Variants in NCKAP5 observed in about 807,000 individuals in gnomAD.
The protein encoded by NCKAP5 is NCK associated protein 5.
A neutral mutation model predicts 167.0 loss-of-function variants in NCKAP5; 92 were observed. The observed-to-expected ratio is 0.55, with a 90% CI of 0.47 to 0.66. NCKAP5 has a LOEUF of 0.66. Among genes scored for constraint, NCKAP5 ranks in the 30% least tolerant of loss-of-function variants. NCKAP5 has a pLI of 0.00. For missense variants in NCKAP5, 2,378 were observed against 2,315.0 expected (o/e 1.03, Z -0.56); for synonymous variants, 891 against 877.4 (o/e 1.02, Z -0.27).
At chr2:133,357,520 A>T (rs1265298267) in intron 3 of NCKAP5, among the ~76,000 whole-genome samples, 1 of 152,204 alleles carries the variant, frequency 6.6e-6, no homozygotes, top group East Asian at 1.9e-4. Context: ...TGTTAACAGG[A>T]CACAGCTAAG....
intron 8 of NCKAP5, among the ~76,000 whole-genome samples, chr2:132,948,165 C>A (rs1268962235): frequency 1.3e-5 from 2 of 152,122 alleles, no homozygotes; most frequent in African/African-American, 4.8e-5. Flanking sequence ...GATCCCACTT[C>A]ATTTACTATT....
intron 3 of NCKAP5, among the ~76,000 whole-genome samples, chr2:133,428,629 A>G (rs1054739435): frequency 7.9e-5 from 12 of 152,176 alleles, no homozygotes; most frequent in African/African-American, 2.4e-4. Flanking sequence ...CATAATTTAC[A>G]TAACTCATCA....
chr2:133,471,195 C>T (rs868757931), intron 3 of NCKAP5, among the ~76,000 whole-genome samples: 14 of 152,304 alleles, frequency 9.2e-5, no homozygotes, highest in African/African-American at 3.4e-4. Flanking sequence ...TCTCAGGTGG[C>T]ATGCACCATC....
At chr2:132,843,113 T>A (rs1688411806) in intron 11 of NCKAP5, among the ~76,000 whole-genome samples, 1 of 152,206 alleles carries the variant, frequency 6.6e-6, no homozygotes, top group Admixed American at 6.5e-5. Context: ...CCTATGGAGC[T>A]AAGGCATAAT....
intron 7 of NCKAP5, among the ~76,000 whole-genome samples, chr2:132,982,487 C>A (rs948457798): frequency 6.6e-6 from 1 of 152,178 alleles, no homozygotes; most frequent in Admixed American, 6.5e-5. Flanking sequence ...ACTGCTGGGA[C>A]TTCATAGCAG....
At chr2:132,982,888 TACA>T (rs2077183697) in intron 7 of NCKAP5, among the ~76,000 whole-genome samples, 1 of 152,186 alleles carries the variant, frequency 6.6e-6, no homozygotes, top group South Asian at 2.1e-4. Flanking sequence ...GGTGTATATA[TACA>T]ACATTTTCTT....
intron 2 of NCKAP5, among the ~76,000 whole-genome samples, chr2:133,530,665 C>A (rs543429155): frequency 1.3e-5 from 2 of 152,240 alleles, no homozygotes; most frequent in African/African-American, 4.8e-5. Flanking sequence ...GGATGGTGCT[C>A]ATTTCTCCAC....
chr2:133,547,874 T>A (rs377236804), intron 2 of NCKAP5, among the ~76,000 whole-genome samples: 12,086 of 147,526 alleles, frequency 0.082, 710 homozygotes, highest in African/African-American at 0.19. Context: ...CAAAGCTGGA[T>A]GGAGAATGAC....
chr2:133,446,436 C>T (rs1232090547), intron 3 of NCKAP5, among the ~76,000 whole-genome samples: 1 of 152,184 alleles, frequency 6.6e-6, no homozygotes, highest in Non-Finnish European at 1.5e-5. Context: ...CGTGTAATAA[C>T]TCATTTAATT....
At chr2:133,214,762 C>G (rs907078775) in intron 4 of NCKAP5, among the ~76,000 whole-genome samples, 2 of 152,152 alleles carry the variant, frequency 1.3e-5, no homozygotes, top group African/African-American at 4.8e-5. Flanking sequence ...TACTATACTA[C>G]TATCAAGATG....
chr2:133,442,681 T>C (rs866060905), intron 3 of NCKAP5, among the ~76,000 whole-genome samples: 2 of 152,308 alleles, frequency 1.3e-5, no homozygotes, highest in Non-Finnish European at 1.5e-5. Flanking sequence ...TAGCAGAGTG[T>C]GGGCTGCCAA....
intron 3 of NCKAP5, among the ~76,000 whole-genome samples, chr2:133,385,126 G>C (rs554948270): frequency 3.0e-4 from 45 of 152,262 alleles, no homozygotes; most frequent in African/African-American, 1.0e-3. Flanking sequence ...TCTTGTGCCA[G>C]TTTTCAAAGG....
chr2:132,957,562 CAA>C (rs1457281761), intron 8 of NCKAP5, among the ~76,000 whole-genome samples: 10 of 131,910 alleles, frequency 7.6e-5, no homozygotes, highest in African/African-American at 3.0e-4. Flanking sequence ...CCTCAGAAGC[CAA>C]AGTTTTTCTC....
At chr2:133,614,065 T>C in the NCKAP5 span, among the ~76,000 whole-genome samples, 1 of 151,536 alleles carries the variant, frequency 6.6e-6, no homozygotes, top group African/African-American at 2.4e-5. Context: ...GTGAACTTTG[T>C]CTCCAAGACT....
chr2:133,546,488 C>T (rs965425361), intron 2 of NCKAP5, among the ~76,000 whole-genome samples: 5 of 152,082 alleles, frequency 3.3e-5, no homozygotes, highest in Admixed American at 6.5e-5. Flanking sequence ...ATACAAGCTG[C>T]GCTATAGAGT....
chr2:133,225,548 C>G (rs1402801527), intron 4 of NCKAP5, among the ~76,000 whole-genome samples: 1 of 152,108 alleles, frequency 6.6e-6, no homozygotes, highest in East Asian at 1.9e-4. Context: ...TACACTAAAA[C>G]ATTCCTTCAT....
intron 4 of NCKAP5, among the ~76,000 whole-genome samples, chr2:133,244,813 T>C (rs1169489479): frequency 6.6e-6 from 1 of 152,018 alleles, no homozygotes; most frequent in Non-Finnish European, 1.5e-5. Flanking sequence ...AAAACTCAAT[T>C]CCTGAGGGAC....
intron 8 of NCKAP5, among the ~76,000 whole-genome samples, chr2:132,891,356 T>G (rs1355593481): frequency 6.6e-6 from 1 of 152,182 alleles, no homozygotes; most frequent in African/African-American, 2.4e-5. Flanking sequence ...AACAGCACTT[T>G]GAGAGCTAGT....
At chr2:133,344,507 A>G (rs1574755213) in intron 3 of NCKAP5, among the ~76,000 whole-genome samples, 1 of 152,088 alleles carries the variant, frequency 6.6e-6, no homozygotes, top group Non-Finnish European at 1.5e-5. Flanking sequence ...CAGAGGAAGC[A>G]CTGCACTGCA....
Sources: gnomAD v4.1 joint callset for allele counts (sites outside exome capture counted in the v4.1 genomes callset) on GRCh38, gnomAD v4.1.1 for gene constraint, MANE v1.5 for transcripts, NCBI Gene and HGNC (gene_info 2026-07-23, HGNC 2026-07-21) for gene names.